IDE: variants seen among roughly 807,000 people sequenced by gnomAD.
IDE encodes the protein insulin-degrading enzyme.
A neutral mutation model predicts 133.2 loss-of-function variants in IDE; 58 were observed. The ratio of observed to expected loss-of-function variants is 0.44; its 90% CI spans 0.35 to 0.54. IDE has a LOEUF of 0.54. Ranked by LOEUF, IDE falls within the 20% of genes least tolerant of loss-of-function variation. The pLI is 0.00. For missense variants in IDE, 981 were observed against 1,234.0 expected (o/e 0.79, Z 3.07); for synonymous variants, 396 against 421.3 (o/e 0.94, Z 0.73).
intron 23 of IDE, among the ~76,000 whole-genome samples, chr10:92,455,859 T>G (rs1844981560): frequency 6.6e-6 from 1 of 152,214 alleles, no homozygotes; most frequent in Non-Finnish European, 1.5e-5. Flanking sequence ...ATGATATTCC[T>G]GAGGTCATAA....
At chr10:92,472,388 T>A (rs531119639) in intron 17 of IDE, among the ~76,000 whole-genome samples, 1 of 152,358 alleles carries the variant, frequency 6.6e-6, no homozygotes, top group South Asian at 2.1e-4. Flanking sequence ...TTAAAAGGTA[T>A]AATTCTTGCT....
In IDE at chr10:92,474,918, T is replaced by TGGG; in HGVS notation, c.2038_2039insCCC (p.His679_Gln680insPro). 6.2e-7 allele frequency: 1 copy of TGGG among 1,613,420 alleles called. No homozygotes were observed. Among genetic ancestry groups the TGGG allele is most frequent in the Non-Finnish European group, 8.5e-7 (1 of 1,179,412 alleles). Reference sequence around the variant, plus strand: ...CAAGCGGAGGTAGTACATGGCATGCTGGTGAGGCTGTTCAGCCCGGAAATT... The same window carrying TGGG: ...CAAGCGGAGGTAGTACATGGCATGCTGGGGGTGAGGCTGTTCAGCCCGGAAATT... On this transcript the variant is annotated inframe_insertion, in exon 17 of 25. Transcript: ENST00000265986.
At position 92,455,117 on chromosome 10, in the gene IDE, A is replaced by G. The variant is rs543697698; in HGVS notation, c.2964+459T>C. 2.6e-5 allele frequency among the ~76,000 whole-genome samples: 4 copies of G among 152,246 alleles called. No individual in the cohort carries two copies. The South Asian group carries it at 6.2e-4, about 24-fold the overall frequency. On this transcript the variant is annotated intron_variant, in intron 24 of 24. Transcript: ENST00000265986. ...GTGACTAGATGTTCAGGGAAGAACT[A>G]AAGTAGAAGCTCCAACACCTGGTGA...
intron 9 of IDE, 30 bp from the exon 10 acceptor site, chr10:92,506,552 C>T (rs369106829): frequency 1.5e-5 from 16 of 1,059,498 alleles, no homozygotes; most frequent in Middle Eastern, 4.1e-4. Context: ...CAATTAGATA[C>T]GGCCACCCTT....
chr10:92,546,628 T>C (rs76022354), intron 1 of IDE, among the ~76,000 whole-genome samples: 4,801 of 152,310 alleles, frequency 0.032, 113 homozygotes, highest in Non-Finnish European at 0.049. Context: ...TTATTTCTGT[T>C]GATGCTATCT....
chr10:92,495,877 T>C (rs1847661463), intron 11 of IDE, among the ~76,000 whole-genome samples: 1 of 151,550 alleles, frequency 6.6e-6, no homozygotes, highest in Non-Finnish European at 1.5e-5. Context: ...AACCATTTTT[T>C]AAGTGTTTTT....
At chr10:92,541,775 C>T (rs1842318484) in intron 1 of IDE, among the ~76,000 whole-genome samples, 3 of 152,090 alleles carry the variant, frequency 2.0e-5, no homozygotes, top group African/African-American at 7.2e-5. Context: ...TAGTCCTTTG[C>T]AGTTCAGGGA....
In IDE at chr10:92,499,907, T is replaced by C. The variant is rs182542094; in HGVS notation, c.1430+4887A>G. Among the ~76,000 whole-genome samples the C allele has an allele frequency of 4.7e-4, 71 of 152,328 alleles. 1 individual carries two copies. The highest frequency in any genetic ancestry group is 3.4e-3 in the Middle Eastern group (1 of 294). On this transcript the variant is annotated intron_variant, in intron 11 of 24. Transcript: ENST00000265986. ...AATAGTATGAGGCAAAGGTCAAGTT[T>C]CATCATTTTTCATATAGATACGCAG...
intron 6 of IDE, among the ~76,000 whole-genome samples, chr10:92,509,568 G>A (rs1365366513): frequency 6.6e-6 from 1 of 151,702 alleles, no homozygotes; most frequent in Non-Finnish European, 1.5e-5. Flanking sequence ...ACTCCAGCCT[G>A]GGCAACAGAG....
At chr10:92,542,130 A>G (rs1842336003) in intron 1 of IDE, among the ~76,000 whole-genome samples, 1 of 152,212 alleles carries the variant, frequency 6.6e-6, no homozygotes, top group South Asian at 2.1e-4. Context: ...GAAGGAACCT[A>G]GACTAGTGAT....
chr10:92,565,300 T>C (rs1416492514), intron 1 of IDE, among the ~76,000 whole-genome samples: 1 of 147,072 alleles, frequency 6.8e-6, no homozygotes, highest in Non-Finnish European at 1.5e-5. Context: ...GCACCTGTAA[T>C]TGCAGCTACT....
intron 17 of IDE, among the ~76,000 whole-genome samples, chr10:92,472,885 C>T (rs1397240514): frequency 6.6e-6 from 1 of 151,742 alleles, no homozygotes; most frequent in African/African-American, 2.4e-5. Context: ...ATCCGCCCGC[C>T]TCGGCCTCCC....
chr10:92,484,312 G>C (rs1015449495), intron 13 of IDE, among the ~76,000 whole-genome samples: 7 of 152,216 alleles, frequency 4.6e-5, no homozygotes, highest in Non-Finnish European at 7.3e-5. Context: ...TCAGGAGACT[G>C]AGGCAGGAGA....
chr10:92,505,049 A>C, intron 10 of IDE, 152 bp from the exon 11 acceptor site: 1 of 491,718 alleles, frequency 2.0e-6, no homozygotes, highest in Non-Finnish European at 3.5e-6. Flanking sequence ...GTAGCCCTAA[A>C]TCGTTGTCTC....
chr10:92,518,802 C>A (rs1235057461), intron 4 of IDE, among the ~76,000 whole-genome samples: 3 of 152,142 alleles, frequency 2.0e-5, no homozygotes, highest in East Asian at 3.9e-4. Context: ...AGATTACACA[C>A]AATAAAATAC....
At chr10:92,485,313 G>C (rs1477518351) in intron 13 of IDE, among the ~76,000 whole-genome samples, 1 of 151,858 alleles carries the variant, frequency 6.6e-6, no homozygotes, top group East Asian at 1.9e-4. Context: ...TAGAGACGGG[G>C]CTTCACCATT....
intron 22 of IDE, among the ~76,000 whole-genome samples, chr10:92,459,753 C>T (rs1012535956): frequency 1.3e-5 from 2 of 151,626 alleles, no homozygotes; most frequent in South Asian, 2.1e-4. Flanking sequence ...CATTCATATA[C>T]CTACCTAATG....
At chr10:92,479,563 G>A (rs1413274479) in intron 14 of IDE, 142 bp from the exon 15 acceptor site, 4 of 649,726 alleles carry the variant, frequency 6.2e-6, no homozygotes, top group South Asian at 4.2e-5. Context: ...TATTTCTTAT[G>A]AGGAAAAAAA....
At chr10:92,534,293 A>G (rs779960702) in intron 3 of IDE, among the ~76,000 whole-genome samples, 1 of 152,236 alleles carries the variant, frequency 6.6e-6, no homozygotes, top group Non-Finnish European at 1.5e-5. Flanking sequence ...AAAGAGATCA[A>G]TGACATTATC....
Sources: gnomAD v4.1 joint callset for allele counts (sites outside exome capture counted in the v4.1 genomes callset) on GRCh38, gnomAD v4.1.1 for gene constraint, MANE v1.5 for transcripts, NCBI Gene and HGNC (gene_info 2026-07-23, HGNC 2026-07-21) for gene names.